The following SLC2A9 variants were observed in gnomAD, a reference collection of about 807,000 sequenced individuals.
The protein encoded by SLC2A9 is solute carrier family 2, facilitated glucose transporter member 9.
A neutral mutation model predicts 50.6 loss-of-function variants in SLC2A9; 39 were observed. The ratio of observed to expected loss-of-function variants is 0.77; its 90% CI spans 0.60 to 1.01. The LOEUF (loss-of-function observed/expected upper bound fraction) is 1.01, where lower values mean the gene tolerates loss of function less well. Ranked by LOEUF, SLC2A9 falls within the 50% of genes least tolerant of loss-of-function variation. SLC2A9 has a pLI of 0.00. For synonymous variants in SLC2A9, 324 were observed against 276.9 expected, an observed-to-expected ratio of 1.17 and a Z score of -1.69; for missense variants, 686 against 677.6, an observed-to-expected ratio of 1.01 and a Z score of -0.14.
chr4:9,902,587 C>T (rs980314135), intron 8 of SLC2A9, among the ~76,000 whole-genome samples: 2 of 152,202 alleles, frequency 1.3e-5, no homozygotes, highest in Non-Finnish European at 2.9e-5. Flanking sequence ...AAAGTGTCTG[C>T]AGGGCCCTGC....
intron 2 of SLC2A9, among the ~76,000 whole-genome samples, chr4:10,015,967 C>T (rs1762539295): frequency 6.6e-6 from 1 of 152,178 alleles, no homozygotes; most frequent in Non-Finnish European, 1.5e-5. Context: ...AGTAGCTACC[C>T]AACTGGGGAT....
At chr4:9,775,509 G>C (rs1717430579), downstream of SLC2A9, among the ~76,000 whole-genome samples, 1 of 152,136 alleles carries the variant, frequency 6.6e-6, no homozygotes, top group Admixed American at 6.5e-5. Context: ...AATCTCCAGT[G>C]CTGGAGTTGG....
chr4:10,028,998 T>A (rs1233756721), intron 1 of SLC2A9: 2 of 152,074 alleles, frequency 1.3e-5, no homozygotes, highest in African/African-American at 4.8e-5. Flanking sequence ...AGCACTGCAG[T>A]CTCTGTGCTT....
intron 8 of SLC2A9, among the ~76,000 whole-genome samples, chr4:9,903,003 A>G (rs978276756): frequency 6.6e-6 from 1 of 152,216 alleles, no homozygotes; most frequent in Admixed American, 6.5e-5. Context: ...TATTATTGCC[A>G]CTTTCACTAA....
intron 1 of SLC2A9, chr4:10,036,180 C>T (rs1764100205): frequency 6.5e-6 from 1 of 153,228 alleles, no homozygotes. Flanking sequence ...TTCTGTCTCC[C>T]TGGAGAACCC....
intron 3 of SLC2A9, among the ~76,000 whole-genome samples, chr4:9,991,823 A>G (rs1426429951): frequency 6.6e-6 from 1 of 152,212 alleles, no homozygotes; most frequent in Non-Finnish European, 1.5e-5. Context: ...ACCTGCCGAC[A>G]CTTTGATCTT....
At chr4:9,836,088 C>CAAA (rs35303241) in intron 10 of SLC2A9, among the ~76,000 whole-genome samples, 8,709 of 47,950 alleles carry the variant, frequency 0.18, 708 homozygotes, top group Non-Finnish European at 0.19. Context: ...AACTCCCTCT[C>CAAA]AAAAAAAAAA....
intron 6 of SLC2A9, among the ~76,000 whole-genome samples, chr4:9,932,007 C>A: frequency 1.3e-5 from 1 of 79,486 alleles, no homozygotes; most frequent in South Asian, 3.9e-4. Flanking sequence ...TATGCCTTGC[C>A]TGACTTGGAA....
chr4:9,828,093 C>T (rs901334251), intron 11 of SLC2A9, among the ~76,000 whole-genome samples: 6 of 152,186 alleles, frequency 3.9e-5, no homozygotes, highest in African/African-American at 1.4e-4. Context: ...CTGCTCTAGC[C>T]TTCCTCATCT....
intron 3 of SLC2A9, among the ~76,000 whole-genome samples, chr4:9,784,806 C>G (rs1719009059): frequency 6.6e-6 from 1 of 152,198 alleles, no homozygotes. Flanking sequence ...CAATTTCTTG[C>G]AAGTCCCTGC....
intron 3 of SLC2A9, among the ~76,000 whole-genome samples, chr4:9,813,357 T>G (rs562043624): frequency 6.6e-6 from 1 of 152,320 alleles, no homozygotes; most frequent in East Asian, 1.9e-4. Context: ...ACTTGTTCAC[T>G]CCCATGTCTT....
At chr4:9,783,123 T>C in intron 3 of SLC2A9, 1 of 1,614,210 alleles carries the variant, frequency 6.2e-7, no homozygotes, top group Non-Finnish European at 8.5e-7. Context: ...AACGCCGACT[T>C]TCAGAAGGTG....
At chr4:9,804,072 T>G (rs1233465913) in intron 3 of SLC2A9, among the ~76,000 whole-genome samples, 1 of 152,222 alleles carries the variant, frequency 6.6e-6, no homozygotes, top group Admixed American at 6.5e-5. Context: ...ATGCATGTTC[T>G]TCTCAAGAAG....
intron 3 of SLC2A9, among the ~76,000 whole-genome samples, chr4:9,814,538 T>C (rs1364284778): frequency 6.6e-6 from 1 of 152,184 alleles, no homozygotes; most frequent in Non-Finnish European, 1.5e-5. Context: ...AATAATTTAT[T>C]ATTTGTCATG....
chr4:9,905,237 C>T (rs1740436052), intron 8 of SLC2A9, among the ~76,000 whole-genome samples: 1 of 152,258 alleles, frequency 6.6e-6, no homozygotes. Context: ...GAACCTCCCA[C>T]ACAGAGATTC....
In SLC2A9 at chr4:9,968,428, C is replaced by A. The variant is rs62295967; in HGVS notation, c.681+12164G>T. The stretch of plus-strand genomic sequence containing the variant: ...ACTTCTTTGTTAGCTCCTATAACTT[C>A]TTCCTCTCATTCTAACAGCTATTGA... On this transcript the variant is annotated intron_variant, in intron 5 of 11. Transcript: ENST00000264784. 8.4e-3 allele frequency among the ~76,000 whole-genome samples: 1,274 copies of A among 152,290 alleles called. 9 individuals carry two copies. The highest frequency in any genetic ancestry group is 0.037 in the Middle Eastern group (11 of 294).
intron 11 of SLC2A9, among the ~76,000 whole-genome samples, chr4:9,832,977 T>A (rs1726420852): frequency 6.6e-6 from 1 of 152,168 alleles, no homozygotes; most frequent in Non-Finnish European, 1.5e-5. Flanking sequence ...CAAATCTCAG[T>A]ACTGGGCCAT....
intron 10 of SLC2A9, 97 bp downstream of exon 10, chr4:9,887,470 C>T: frequency 8.1e-7 from 1 of 1,239,214 alleles, no homozygotes. Flanking sequence ...TTTGCTTCTT[C>T]TGGGCTCTGG....
chr4:9,975,413 CAAAT>C (rs1445340579), intron 5 of SLC2A9, among the ~76,000 whole-genome samples: 1 of 152,020 alleles, frequency 6.6e-6, no homozygotes, highest in Non-Finnish European at 1.5e-5. Context: ...AAGCAAAAAA[CAAAT>C]AACCCCATTA....
Sources: gnomAD v4.1 joint callset for allele counts (sites outside exome capture counted in the v4.1 genomes callset) on GRCh38, gnomAD v4.1.1 for gene constraint, MANE v1.5 for transcripts, NCBI Gene and HGNC (gene_info 2026-07-23, HGNC 2026-07-21) for gene names.